Variants in LRRTM4 observed in about 807,000 individuals in gnomAD.
LRRTM4 encodes leucine-rich repeat transmembrane neuronal protein 4.
LRRTM4 carries 25 observed loss-of-function variants against 47.6 expected under a neutral mutation model. The ratio of observed to expected loss-of-function variants is 0.53; its 90% CI spans 0.38 to 0.73. LRRTM4 has a LOEUF of 0.73. LRRTM4 is among the 30% of genes least tolerant of loss of function. The pLI, the probability that LRRTM4 is intolerant of heterozygous loss-of-function variation, is 0.00. For missense variants in LRRTM4, 638 were observed against 713.4 expected (o/e 0.89, Z 1.20); for synonymous variants, 311 against 269.5 (o/e 1.15, Z -1.51).
chr2:76,918,601 A>G (rs1028883267), intron 3 of LRRTM4, among the ~76,000 whole-genome samples: 2 of 152,170 alleles, frequency 1.3e-5, no homozygotes, highest in African/African-American at 4.8e-5. Flanking sequence ...GAGGGGGAAA[A>G]TTTAAAAATA....
intron 3 of LRRTM4, among the ~76,000 whole-genome samples, chr2:77,488,641 A>G (rs1200403696): frequency 1.3e-5 from 2 of 152,240 alleles, no homozygotes; most frequent in Non-Finnish European, 2.9e-5. Context: ...ATCAAGGAAT[A>G]TAACAAGCTC....
chr2:76,953,632 G>T (rs921105710), intron 3 of LRRTM4, among the ~76,000 whole-genome samples: 1 of 151,876 alleles, frequency 6.6e-6, no homozygotes, highest in Non-Finnish European at 1.5e-5. Flanking sequence ...GAGATCAAAA[G>T]AGAGTTCAGC....
intron 3 of LRRTM4, among the ~76,000 whole-genome samples, chr2:76,953,018 G>C (rs770924682): frequency 6.6e-6 from 1 of 151,766 alleles, no homozygotes; most frequent in Non-Finnish European, 1.5e-5. Context: ...ATAGACATTA[G>C]AGACTACTAG....
intron 3 of LRRTM4, among the ~76,000 whole-genome samples, chr2:76,974,242 A>G (rs1676340448): frequency 7.0e-6 from 1 of 142,030 alleles, no homozygotes. Flanking sequence ...ATATATATAC[A>G]TATATATATA....
At chr2:76,818,287 T>A (rs1250115386) in intron 3 of LRRTM4, among the ~76,000 whole-genome samples, 2 of 151,810 alleles carry the variant, frequency 1.3e-5, no homozygotes, top group Non-Finnish European at 2.9e-5. Context: ...GTTCCCTTAG[T>A]GGGTGAATAA....
intron 3 of LRRTM4, among the ~76,000 whole-genome samples, chr2:76,952,791 C>T (rs1401044331): frequency 6.6e-6 from 1 of 151,236 alleles, no homozygotes; most frequent in African/African-American, 2.4e-5. Context: ...GTACCAATCT[C>T]GATGTCCGCC....
intron 3 of LRRTM4, among the ~76,000 whole-genome samples, chr2:77,349,349 G>C (rs1671677541): frequency 6.6e-6 from 1 of 151,348 alleles, no homozygotes; most frequent in South Asian, 2.1e-4. Flanking sequence ...AAAAAACCTA[G>C]AAAATGCTTA....
chr2:77,030,204 G>A (rs996589488), intron 3 of LRRTM4, among the ~76,000 whole-genome samples: 7 of 152,190 alleles, frequency 4.6e-5, no homozygotes, highest in Admixed American at 2.6e-4. Context: ...AGGCTGAGGC[G>A]GGGAGATCAC....
In LRRTM4 at chr2:77,236,391, T is replaced by TA. The variant is rs200812710; in HGVS notation, c.1551+281926dup. Reference sequence around the variant, plus strand: ...TATTCTGATACATCAGTGAAGTTGTTACATTAGTTCTAAGAGCATTTTGGT... The same window carrying TA: ...TATTCTGATACATCAGTGAAGTTGTTAACATTAGTTCTAAGAGCATTTTGGT... On this transcript the variant is annotated intron_variant, in intron 3 of 3. Transcript: ENST00000409884. 4.4e-3 allele frequency among the ~76,000 whole-genome samples: 669 copies of TA among 152,222 alleles called. 4 individuals carry two copies. The highest frequency in any genetic ancestry group is 0.015 in the African/African-American group (638 of 41,558).
chr2:76,905,617 T>C (rs1478918693), intron 3 of LRRTM4, among the ~76,000 whole-genome samples: 3 of 147,532 alleles, frequency 2.0e-5, no homozygotes, highest in African/African-American at 7.5e-5. Flanking sequence ...TAGACGAATG[T>C]ATAACTAGAA....
intron 3 of LRRTM4, among the ~76,000 whole-genome samples, chr2:77,105,649 T>TA (rs1288769382): frequency 1.3e-5 from 2 of 151,990 alleles, no homozygotes; most frequent in Non-Finnish European, 2.9e-5. Context: ...CCCTAAAACT[T>TA]AAAGTATAAT....
intron 3 of LRRTM4, among the ~76,000 whole-genome samples, chr2:76,755,011 A>C (rs1672978675): frequency 6.6e-6 from 1 of 152,140 alleles, no homozygotes; most frequent in African/African-American, 2.4e-5. Flanking sequence ...ACTCAAATAT[A>C]TGTTTTCTGT....
chr2:76,978,835 G>T (rs933818317), intron 3 of LRRTM4, among the ~76,000 whole-genome samples: 1 of 152,052 alleles, frequency 6.6e-6, no homozygotes, highest in Non-Finnish European at 1.5e-5. Context: ...AGGTGATGCA[G>T]AACAATGCAG....
chr2:76,814,845 C>A (rs1670854240), intron 3 of LRRTM4, among the ~76,000 whole-genome samples: 1 of 151,270 alleles, frequency 6.6e-6, no homozygotes, highest in Non-Finnish European at 1.5e-5. Context: ...AAAAGCATAC[C>A]CCATACATAT....
chr2:77,051,015 ATTT>A (rs776648650), intron 3 of LRRTM4, among the ~76,000 whole-genome samples: 4,131 of 149,160 alleles, frequency 0.028, 148 homozygotes, highest in African/African-American at 0.088. Context: ...TACTTAAAAC[ATTT>A]TTTTTTTTTT....
intron 3 of LRRTM4, among the ~76,000 whole-genome samples, chr2:77,367,753 C>T (rs2103761202): frequency 6.6e-6 from 1 of 151,826 alleles, no homozygotes; most frequent in African/African-American, 2.4e-5. Flanking sequence ...GCTTTGTGGC[C>T]TTCAAGGTCT....
intron 3 of LRRTM4, among the ~76,000 whole-genome samples, chr2:76,927,389 G>A (rs10208262): frequency 0.03 from 4,558 of 152,126 alleles, 128 homozygotes; most frequent in East Asian, 0.084. Flanking sequence ...ACGGTTCTAC[G>A]ATGTAAACTT....
intron 3 of LRRTM4, among the ~76,000 whole-genome samples, chr2:76,785,997 C>G (rs1558651767): frequency 6.6e-6 from 1 of 152,106 alleles, no homozygotes; most frequent in Admixed American, 6.6e-5. Flanking sequence ...CAATTTAACT[C>G]AATGATACCT....
chr2:76,987,698 C>T (rs1173537189), intron 3 of LRRTM4, among the ~76,000 whole-genome samples: 2 of 151,760 alleles, frequency 1.3e-5, no homozygotes, highest in African/African-American at 4.8e-5. Flanking sequence ...TTGCCTAGGG[C>T]TTTGCTCCAC....
Sources: gnomAD v4.1 joint callset for allele counts (sites outside exome capture counted in the v4.1 genomes callset) on GRCh38, gnomAD v4.1.1 for gene constraint, MANE v1.5 for transcripts, NCBI Gene and HGNC (gene_info 2026-07-23, HGNC 2026-07-21) for gene names.